HS3ST5: variants seen among roughly 807,000 people sequenced by gnomAD.
The protein encoded by HS3ST5 is heparan sulfate-glucosamine 3-sulfotransferase 5.
Under a neutral mutation model 25.4 loss-of-function variants are expected in HS3ST5, and 10 were observed. The ratio of observed to expected loss-of-function variants is 0.39; its 90% CI spans 0.24 to 0.67. The LOEUF is 0.67. Among genes scored for constraint, HS3ST5 ranks in the 30% least tolerant of loss-of-function variants. HS3ST5 has a pLI of 0.44. For missense variants in HS3ST5, 324 were observed against 420.7 expected (o/e 0.77, Z 2.01); for synonymous variants, 170 against 162.4 (o/e 1.05, Z -0.36).
Position 114,062,744 on chromosome 6 carries a change from C to T in HS3ST5, c.102G>A (p.Leu34=). Residue 34 remains leucine (L), a synonymous_variant, in exon 4 of 5, where the codon TTG becomes TTA. Transcript: ENST00000312719. Reference sequence around the variant, plus strand: ...CATGTGTTTTAAGCACCCACCTATCCAAGCTCCCAACTCTGGCGACTAGAT... The same window carrying T: ...CATGTGTTTTAAGCACCCACCTATCTAAGCTCCCAACTCTGGCGACTAGAT... ...LLYLVARVGS[L]DRLQPICPIE... is the part of the protein sequence containing the mutation. The T allele has an allele frequency of 6.2e-7, 1 of 1,611,674 alleles. No homozygotes were observed. Among genetic ancestry groups the T allele is most frequent in the Non-Finnish European group, 8.5e-7 (1 of 1,177,770 alleles).
intron 2 of HS3ST5, among the ~76,000 whole-genome samples, chr6:114,199,602 C>G (rs1780919163): frequency 7.6e-6 from 1 of 132,412 alleles, no homozygotes; most frequent in Non-Finnish European, 1.6e-5. Flanking sequence ...TAAGAGAATC[C>G]TCCTGTTGAA....
chr6:114,085,933 T>TCC (rs1774779424), intron 3 of HS3ST5, among the ~76,000 whole-genome samples: 3 of 71,026 alleles, frequency 4.2e-5, no homozygotes, highest in South Asian at 5.2e-4. Flanking sequence ...ATAAATTCAT[T>TCC]GCCCCCCCCC....
intron 1 of HS3ST5, among the ~76,000 whole-genome samples, chr6:114,301,258 T>C (rs778919973): frequency 2.0e-5 from 3 of 152,226 alleles, no homozygotes; most frequent in Non-Finnish European, 2.9e-5. Flanking sequence ...TTATTAATAA[T>C]AAGTTCATTT....
At chr6:114,136,160 C>G (rs777141817) in intron 3 of HS3ST5, among the ~76,000 whole-genome samples, 1 of 152,188 alleles carries the variant, frequency 6.6e-6, no homozygotes, top group Non-Finnish European at 1.5e-5. Context: ...GCTACATCCC[C>G]CTTTGATATG....
At chr6:114,249,702 CT>C (rs1772555179) in intron 1 of HS3ST5, among the ~76,000 whole-genome samples, 1 of 152,208 alleles carries the variant, frequency 6.6e-6, no homozygotes, top group African/African-American at 2.4e-5. Context: ...TGGGACAGCT[CT>C]GGGGAGCCAG....
intron 1 of HS3ST5, among the ~76,000 whole-genome samples, chr6:114,296,771 C>G (rs537679666): frequency 1.3e-5 from 2 of 152,078 alleles, no homozygotes; most frequent in Admixed American, 6.6e-5. Flanking sequence ...ATACTCAAGA[C>G]GACAAGACAA....
At chr6:114,341,817 C>G (rs1484232499) in intron 1 of HS3ST5, among the ~76,000 whole-genome samples, 2 of 152,224 alleles carry the variant, frequency 1.3e-5, no homozygotes, top group African/African-American at 4.8e-5. Flanking sequence ...CCAGAAGTGA[C>G]CGAACGCGAA....
Position 114,057,363 on chromosome 6 carries a change from A to G in HS3ST5, c.935T>C (p.Ile312Thr). The change falls in exon 5 of 5, where the codon ATT becomes ACT. Residue 312 changes from isoleucine (I) to threonine (T), a missense_variant. Physicochemically the swap from Ile to Thr is moderately conservative, Grantham distance 89. Around this residue, in one of 2 missense-constraint regions of HS3ST5, gnomAD observed 203 missense variants for 303.4 expected, o/e 0.67. Transcript: ENST00000312719. ...GACAGAGGGGTCCACCTCTGGATGA[A>G]TGCGCCCCTTGCTGCCCGCCAGGCA... Reference protein sequence around the residue: ...NKCLAGSKGRIHPEVDPSVIT... With the variant: ...NKCLAGSKGRTHPEVDPSVIT... The G allele has an allele frequency of 1.2e-6, 2 of 1,614,080 alleles. No homozygotes were observed. Among genetic ancestry groups the G allele is most frequent in the Non-Finnish European group, 1.7e-6 (2 of 1,180,002 alleles).
chr6:114,083,970 T>C (rs1316306442), intron 3 of HS3ST5, among the ~76,000 whole-genome samples: 3 of 152,148 alleles, frequency 2.0e-5, no homozygotes, highest in African/African-American at 7.2e-5. Flanking sequence ...TGTTGAATGG[T>C]ATTATCCATT....
At chr6:114,138,258 G>A (rs78709260) in intron 3 of HS3ST5, among the ~76,000 whole-genome samples, 1,868 of 152,232 alleles carry the variant, frequency 0.012, 36 homozygotes, top group African/African-American at 0.037. Flanking sequence ...ATAAAGTGAT[G>A]GATATTGCCT....
rs572945880 is a variant in HS3ST5 at position 114,240,968 on chromosome 6, T to G, written c.-338-12190A>C. ...AGCATGAGGACACCGAGCAAGGTAG[T>G]TTTGATATCAATGGGTTACACAACG... is the stretch of plus-strand genomic sequence containing the variant. On this transcript the variant is annotated intron_variant, in intron 1 of 4. Transcript: ENST00000312719. Among the ~76,000 whole-genome samples, 6 of 152,232 alleles carry G rather than the reference T, an allele frequency of 3.9e-5. No homozygotes were observed. The South Asian group carries it at 1.2e-3, about 32-fold the overall frequency.
intron 3 of HS3ST5, among the ~76,000 whole-genome samples, chr6:114,078,466 G>A (rs1245279742): frequency 1.3e-5 from 2 of 152,006 alleles, no homozygotes; most frequent in Non-Finnish European, 2.9e-5. Flanking sequence ...CAAAGTGCTG[G>A]GATTACAGGC....
intron 3 of HS3ST5, among the ~76,000 whole-genome samples, chr6:114,138,234 C>T (rs1001743268): frequency 1.3e-4 from 20 of 152,168 alleles, no homozygotes; most frequent in Admixed American, 1.3e-3. Context: ...GGGAAAAGGA[C>T]AGTCACTGAT....
intron 3 of HS3ST5, among the ~76,000 whole-genome samples, chr6:114,064,117 C>T (rs555538329): frequency 6.6e-6 from 1 of 152,220 alleles, no homozygotes; most frequent in South Asian, 2.1e-4. Context: ...AAAATAGTAA[C>T]CCAAGAAGGA....
chr6:114,212,868 G>C (rs1781565455), intron 2 of HS3ST5, among the ~76,000 whole-genome samples: 1 of 152,176 alleles, frequency 6.6e-6, no homozygotes, highest in African/African-American at 2.4e-5. Flanking sequence ...CATGGGAGGG[G>C]GAGAATGCAG....
At chr6:114,093,389 G>A (rs1383149046) in intron 3 of HS3ST5, among the ~76,000 whole-genome samples, 1 of 140,020 alleles carries the variant, frequency 7.1e-6, no homozygotes, top group Non-Finnish European at 1.6e-5. Context: ...GTGTGTGTGT[G>A]TGTGTGTGTC....
intron 1 of HS3ST5, among the ~76,000 whole-genome samples, chr6:114,242,954 A>G (rs1288607743): frequency 6.6e-6 from 1 of 152,030 alleles, no homozygotes; most frequent in Non-Finnish European, 1.5e-5. Flanking sequence ...ATTAGTGAGC[A>G]TGATGTAACC....
chr6:114,255,125 G>A (rs570618866), intron 1 of HS3ST5, among the ~76,000 whole-genome samples: 9 of 152,294 alleles, frequency 5.9e-5, no homozygotes, highest in Admixed American at 1.3e-4. Flanking sequence ...ATACAGTGGG[G>A]GTACAGGCAT....
chr6:114,101,133 G>A (rs1467475561), intron 3 of HS3ST5, among the ~76,000 whole-genome samples: 1 of 152,140 alleles, frequency 6.6e-6, no homozygotes, highest in East Asian at 1.9e-4. Flanking sequence ...TCGATTAAAT[G>A]TAATATCTGG....
Sources: gnomAD v4.1 joint callset for allele counts (sites outside exome capture counted in the v4.1 genomes callset) on GRCh38, gnomAD v4.1.1 for gene constraint, gnomAD v4.1.1 regional missense constraint, MANE v1.5 for transcripts, NCBI Gene and HGNC (gene_info 2026-07-23, HGNC 2026-07-21) for gene names.